TSPAN7: variants seen among roughly 807,000 people sequenced by gnomAD.
TSPAN7 encodes tetraspanin 7.
TSPAN7 carries 1 observed loss-of-function variant against 17.6 expected under a neutral mutation model. The observed-to-expected ratio is 0.06, with a 90% CI of 0.02 to 0.27. The LOEUF is 0.27. Among genes scored for constraint, TSPAN7 ranks in the 10% least tolerant of loss-of-function variants. The pLI, the probability that TSPAN7 is intolerant of heterozygous loss-of-function variation, is 1.00. For missense variants in TSPAN7, 112 were observed against 201.7 expected (o/e 0.56, Z 2.69); for synonymous variants, 78 against 79.0 (o/e 0.99, Z 0.07).
At chrX:38,573,932 G>A (rs2147396426) in intron 1 of TSPAN7, among the ~76,000 whole-genome samples, 1 of 111,634 alleles carries the variant, frequency 9.0e-6, no homozygotes, top group East Asian at 2.8e-4. Context: ...TGTTGATATT[G>A]ACTTTGATCA....
At chrX:38,592,235 C>A (rs1194138738) in intron 1 of TSPAN7, among the ~76,000 whole-genome samples, 1 of 111,538 alleles carries the variant, frequency 9.0e-6, no homozygotes, top group Non-Finnish European at 1.9e-5. Flanking sequence ...GGACACAGAG[C>A]CAAACCATAT....
chrX:38,605,475 G>T (rs1244496590), intron 1 of TSPAN7, among the ~76,000 whole-genome samples: 1 of 110,132 alleles, frequency 9.1e-6, no homozygotes, highest in East Asian at 2.9e-4. Flanking sequence ...CGTGAAAATG[G>T]CCATACTGCC....
At chrX:38,572,946 G>A (rs2069176729) in intron 1 of TSPAN7, among the ~76,000 whole-genome samples, 1 of 111,359 alleles carries the variant, frequency 9.0e-6, no homozygotes, top group African/African-American at 3.3e-5. Flanking sequence ...TGAAGTCTCG[G>A]CTAGTACCTT....
intron 1 of TSPAN7, among the ~76,000 whole-genome samples, chrX:38,624,397 G>A (rs775099608): frequency 1.8e-5 from 2 of 112,056 alleles, no homozygotes; most frequent in South Asian, 3.7e-4. Flanking sequence ...CATGATGAAA[G>A]GTACTATGCA....
At chrX:38,632,052 G>A (rs2069554596) in intron 1 of TSPAN7, among the ~76,000 whole-genome samples, 1 of 111,126 alleles carries the variant, frequency 9.0e-6, no homozygotes, top group African/African-American at 3.3e-5. Flanking sequence ...GTTAAACTAT[G>A]GAGAAGACAC....
chrX:38,641,425 C>T (rs111537588), intron 1 of TSPAN7, among the ~76,000 whole-genome samples: 1,830 of 111,734 alleles, frequency 0.016, 32 homozygotes, highest in African/African-American at 0.056. Flanking sequence ...TTAACTATGA[C>T]GAAAGGAGTC....
chrX:38,616,986 G>T (rs1222676161), intron 1 of TSPAN7, among the ~76,000 whole-genome samples: 2 of 111,888 alleles, frequency 1.8e-5, no homozygotes, highest in African/African-American at 6.5e-5. Context: ...GCAGGGGTTG[G>T]CAGAATTTTT....
At chrX:38,611,835 T>G (rs756618076) in intron 1 of TSPAN7, among the ~76,000 whole-genome samples, 1 of 111,661 alleles carries the variant, frequency 9.0e-6, no homozygotes, top group East Asian at 2.8e-4. Flanking sequence ...ACACCCCCAG[T>G]TTAAGAAATG....
At chrX:38,564,253 G>T (rs1452813481) in intron 1 of TSPAN7, among the ~76,000 whole-genome samples, 3 of 109,724 alleles carry the variant, frequency 2.7e-5, no homozygotes, top group African/African-American at 1.0e-4. Context: ...TTGCCCTTTT[G>T]TGACTGTTTT....
At chrX:38,652,392 T>C (rs2069680315) in intron 1 of TSPAN7, among the ~76,000 whole-genome samples, 2 of 111,918 alleles carry the variant, frequency 1.8e-5, no homozygotes, top group South Asian at 3.8e-4. Flanking sequence ...ATCCAGAGTC[T>C]CTATGGGGCT....
intron 3 of TSPAN7, 43 bp from the exon 4 acceptor site, chrX:38,674,178 G>A (rs2069838672): frequency 1.7e-5 from 17 of 1,013,865 alleles, no homozygotes; most frequent in Non-Finnish European, 2.2e-5. Flanking sequence ...AGTCAGTTTG[G>A]GCTGTGGTGG....
intron 1 of TSPAN7, among the ~76,000 whole-genome samples, chrX:38,648,811 T>C (rs968475912): frequency 2.8e-5 from 3 of 108,499 alleles, no homozygotes; most frequent in African/African-American, 1.0e-4. Flanking sequence ...TCCCAGCTAC[T>C]CTGGAGGATG....
At chrX:38,613,878 T>C (rs2147419042) in intron 1 of TSPAN7, among the ~76,000 whole-genome samples, 1 of 110,947 alleles carries the variant, frequency 9.0e-6, no homozygotes, top group Admixed American at 9.6e-5. Context: ...TCAGATGCCT[T>C]CCTTTCCAGC....
chrX:38,607,737 A>G (rs752698940), intron 1 of TSPAN7, among the ~76,000 whole-genome samples: 13 of 111,066 alleles, frequency 1.2e-4, no homozygotes, highest in Non-Finnish European at 2.3e-4. Flanking sequence ...AAAGGTGAGC[A>G]CTGACGATTG....
rs762840847 is a variant in TSPAN7 at position 38,658,903 on chromosome X, A to G, written c.82-7218A>G. Among the ~76,000 whole-genome samples the G allele has an allele frequency of 7.2e-5, 8 of 110,352 alleles. No individual in the cohort carries two copies. The South Asian group carries it at 1.6e-3, about 22-fold the overall frequency. ...TCAGATTCAATTTTAACAAGTCAGCACTTAAGATTATCTCACTCCTCTCCC... is the reference window on the plus strand; with the variant it reads ...TCAGATTCAATTTTAACAAGTCAGCGCTTAAGATTATCTCACTCCTCTCCC... On this transcript the variant is annotated intron_variant, in intron 1 of 7. Transcript: ENST00000378482.
chrX:38,668,211 A>C (rs2069795714), intron 2 of TSPAN7, among the ~76,000 whole-genome samples: 1 of 112,218 alleles, frequency 8.9e-6, no homozygotes, highest in African/African-American at 3.2e-5. Context: ...ATTGGACTAA[A>C]TCACCAAAGT....
At chrX:38,624,030 G>A (rs2069505671) in intron 1 of TSPAN7, among the ~76,000 whole-genome samples, 1 of 107,819 alleles carries the variant, frequency 9.3e-6, no homozygotes, top group Admixed American at 1.0e-4. Context: ...ACAGACCCAA[G>A]GTCACACTTG....
chrX:38,596,281 T>A (rs749928581), intron 1 of TSPAN7, among the ~76,000 whole-genome samples: 13 of 111,495 alleles, frequency 1.2e-4, no homozygotes, highest in African/African-American at 4.2e-4. Context: ...TTAATGCTGC[T>A]AATGGTCAGT....
At chrX:38,598,299 C>G (rs1398375053) in intron 1 of TSPAN7, among the ~76,000 whole-genome samples, 3 of 110,976 alleles carry the variant, frequency 2.7e-5, no homozygotes, top group Non-Finnish European at 5.7e-5. Flanking sequence ...CTATGTGGCT[C>G]CCTGGGATAA....
Sources: gnomAD v4.1 joint callset for allele counts (sites outside exome capture counted in the v4.1 genomes callset) on GRCh38, gnomAD v4.1.1 for gene constraint, MANE v1.5 for transcripts, NCBI Gene and HGNC (gene_info 2026-07-23, HGNC 2026-07-21) for gene names.